Variants in PUDP observed in about 807,000 individuals in gnomAD.
PUDP encodes the protein pseudouridine 5'-phosphatase.
Under a neutral mutation model 9.4 loss-of-function variants are expected in PUDP, and 8 were observed. The observed-to-expected ratio is 0.85, with a 90% CI of 0.50 to 1.53. The LOEUF (loss-of-function observed/expected upper bound fraction) is 1.53, where lower values mean the gene tolerates loss of function less well. Among genes scored for constraint, PUDP ranks in the 40% most tolerant of loss-of-function variants. The pLI is 0.00. For synonymous variants in PUDP, 99 were observed against 80.7 expected (o/e 1.23, Z -1.22); for missense variants, 188 against 189.7 (o/e 0.99, Z 0.05).
At chrX:7,146,981 C>A (rs950331885) in intron 1 of PUDP, among the ~76,000 whole-genome samples, 13 of 110,112 alleles carry the variant, frequency 1.2e-4, no homozygotes, top group African/African-American at 4.3e-4. Context: ...ATATATGAAG[C>A]CTCCTGGTGA....
At chrX:6,716,854 G>C (rs976239393) in intron 1 of PUDP, among the ~76,000 whole-genome samples, 3 of 111,183 alleles carry the variant, frequency 2.7e-5, no homozygotes, top group Non-Finnish European at 3.8e-5. Context: ...GGCTGGTCTT[G>C]AACTTCTGGT....
At chrX:6,996,876 C>G (rs1929260406) in intron 1 of PUDP, among the ~76,000 whole-genome samples, 1 of 108,676 alleles carries the variant, frequency 9.2e-6, no homozygotes, top group African/African-American at 3.4e-5. Flanking sequence ...ACCTTGTTGG[C>G]CAGGCTGGTC....
At chrX:6,822,719 T>C (rs1368967735) in intron 3 of PUDP, among the ~76,000 whole-genome samples, 8 of 108,415 alleles carry the variant, frequency 7.4e-5, no homozygotes, top group African/African-American at 1.3e-4. Flanking sequence ...ACTTTTATTT[T>C]AGGTTTTGGG....
intron 2 of PUDP, among the ~76,000 whole-genome samples, chrX:7,092,414 CTACT>C (rs1339382078): frequency 3.6e-5 from 4 of 112,388 alleles, no homozygotes; most frequent in Non-Finnish European, 5.6e-5. Flanking sequence ...AATTTGTGGA[CTACT>C]TACTATAAAA....
chrX:6,711,281 G>T (rs1924529302), intron 1 of PUDP, among the ~76,000 whole-genome samples: 1 of 111,294 alleles, frequency 9.0e-6, no homozygotes, highest in Admixed American at 9.6e-5. Flanking sequence ...GGAGGAAAAG[G>T]GCCTGATCTA....
At chrX:6,941,471 G>A (rs1928399398) in intron 3 of PUDP, among the ~76,000 whole-genome samples, 1 of 106,130 alleles carries the variant, frequency 9.4e-6, no homozygotes, top group African/African-American at 3.5e-5. Flanking sequence ...TGGGACCACA[G>A]GTGCACACTA....
intron 3 of PUDP, among the ~76,000 whole-genome samples, chrX:6,828,593 T>A (rs1322087693): frequency 9.0e-6 from 1 of 111,677 alleles, no homozygotes; most frequent in African/African-American, 3.3e-5. Flanking sequence ...GGTTCACTTT[T>A]AATGATGTAC....
At chrX:6,848,634 G>C (rs1188416136) in intron 3 of PUDP, among the ~76,000 whole-genome samples, 3 of 112,200 alleles carry the variant, frequency 2.7e-5, no homozygotes, top group East Asian at 2.8e-4. Context: ...CCAGTGTCCC[G>C]GAGGTGGGGC....
chrX:6,902,617 G>A (rs966844021), intron 3 of PUDP, among the ~76,000 whole-genome samples: 1 of 112,125 alleles, frequency 8.9e-6, no homozygotes, highest in Admixed American at 9.4e-5. Flanking sequence ...GGCACTGGGC[G>A]TAAATGGCAT....
chrX:6,923,402 T>C (rs1226727286), intron 3 of PUDP, among the ~76,000 whole-genome samples: 1 of 112,174 alleles, frequency 8.9e-6, no homozygotes, highest in Non-Finnish European at 1.9e-5. Context: ...CATGGATATC[T>C]GATTGTCAAG....
intron 3 of PUDP, among the ~76,000 whole-genome samples, chrX:6,782,920 A>G (rs7880730): frequency 0.18 from 20,360 of 111,083 alleles, 1,929 homozygotes; most frequent in African/African-American, 0.36. Context: ...GAACATGGGC[A>G]TCTTTTACAA....
intron 3 of PUDP, among the ~76,000 whole-genome samples, chrX:6,775,490 C>CAT (rs1192455094): frequency 3.7e-5 from 2 of 54,047 alleles, no homozygotes; most frequent in Non-Finnish European, 7.7e-5. Flanking sequence ...TAGATACACA[C>CAT]ATATACACAC....
chrX:7,017,492 T>A (rs1195589526), intron 1 of PUDP, among the ~76,000 whole-genome samples: 1 of 112,659 alleles, frequency 8.9e-6, no homozygotes, highest in African/African-American at 3.2e-5. Flanking sequence ...GTTGCAATCT[T>A]GCTTTCAGTT....
At chrX:6,730,548 T>G (rs185493102) in intron 3 of PUDP, among the ~76,000 whole-genome samples, 58 of 112,104 alleles carry the variant, frequency 5.2e-4, no homozygotes, top group African/African-American at 1.7e-3. Flanking sequence ...TGGGAAACCT[T>G]TGGTCTAGGA....
chrX:6,715,272 C>G (rs965847610), intron 1 of PUDP, among the ~76,000 whole-genome samples: 27 of 111,069 alleles, frequency 2.4e-4, no homozygotes, highest in African/African-American at 7.5e-4. Flanking sequence ...GCCCCCGCAG[C>G]ATTCCATTGT....
chrX:6,724,397 A>G (rs143230624), upstream of PUDP, among the ~76,000 whole-genome samples: 8,266 of 107,601 alleles, frequency 0.077, 313 homozygotes, highest in Admixed American at 0.15. Context: ...TTGCAACTGT[A>G]TGCTGTACAG....
At chrX:7,096,196 C>CA (rs113705763) in intron 2 of PUDP, among the ~76,000 whole-genome samples, 284 of 104,328 alleles carry the variant, frequency 2.7e-3, no homozygotes, top group African/African-American at 7.3e-3. Context: ...GACCTACTTC[C>CA]AAAAAAAAAA....
chrX:7,124,842 GGAGGC>G (rs1306678195), intron 1 of PUDP, among the ~76,000 whole-genome samples: 1 of 109,199 alleles, frequency 9.2e-6, no homozygotes, highest in Admixed American at 9.7e-5. Context: ...CAGCTACTCG[GGAGGC>G]TGAGGCAGGA....
intron 3 of PUDP, among the ~76,000 whole-genome samples, chrX:6,851,414 T>C: frequency 9.0e-6 from 1 of 111,358 alleles, no homozygotes; most frequent in Non-Finnish European, 1.9e-5. Context: ...TTGTCATTGT[T>C]AAAATAAAGT....
Sources: gnomAD v4.1 joint callset for allele counts (sites outside exome capture counted in the v4.1 genomes callset) on GRCh38, gnomAD v4.1.1 for gene constraint, MANE v1.5 for transcripts, NCBI Gene and HGNC (gene_info 2026-07-23, HGNC 2026-07-21) for gene names.